ACYP2: variants seen among roughly 807,000 people sequenced by gnomAD.
The protein encoded by ACYP2 is acylphosphatase-2.
A neutral mutation model predicts 11.2 loss-of-function variants in ACYP2; 12 were observed. The observed-to-expected ratio is 1.08, with a 90% CI of 0.69 to 1.74. The LOEUF is 1.74. Among genes scored for constraint, ACYP2 ranks in the 40% most tolerant of loss-of-function variants. The probability of loss-of-function intolerance (pLI) is 0.00; values close to 1 mark genes in which losing one functional copy is unlikely to be tolerated. For missense variants in ACYP2, 134 were observed against 101.9 expected (o/e 1.31, Z -1.35); for synonymous variants, 43 against 32.2 (o/e 1.33, Z -1.13).
intron 4 of ACYP2, among the ~76,000 whole-genome samples, chr2:54,099,387 C>A (rs1678765770): frequency 6.6e-6 from 1 of 152,146 alleles, no homozygotes; most frequent in Non-Finnish European, 1.5e-5. Context: ...GAACTCATTT[C>A]TTCTGTCTAG....
chr2:54,054,059 G>T (rs1675998544), intron 3 of ACYP2, among the ~76,000 whole-genome samples: 1 of 152,184 alleles, frequency 6.6e-6, no homozygotes, highest in Admixed American at 6.5e-5. Flanking sequence ...CAGGCCCTAG[G>T]CCCAGATCCT....
chr2:54,128,929 T>A (rs1401320404), intron 4 of ACYP2, among the ~76,000 whole-genome samples: 1 of 152,170 alleles, frequency 6.6e-6, no homozygotes, highest in Non-Finnish European at 1.5e-5. Flanking sequence ...AGACTCACAG[T>A]AATCTCTGGA....
chr2:54,162,732 A>G (rs1682775211), intron 6 of ACYP2, among the ~76,000 whole-genome samples: 1 of 152,126 alleles, frequency 6.6e-6, no homozygotes. Flanking sequence ...TTTGGAGGCC[A>G]GAGGGGGAAG....
intron 6 of ACYP2, among the ~76,000 whole-genome samples, chr2:54,173,907 C>A (rs1683326842): frequency 6.6e-6 from 1 of 152,124 alleles, no homozygotes; most frequent in Non-Finnish European, 1.5e-5. Flanking sequence ...GTTTTGGTAC[C>A]AGTACCATGC....
At chr2:54,297,172 G>A (rs933980655) in intron 6 of ACYP2, among the ~76,000 whole-genome samples, 2 of 151,804 alleles carry the variant, frequency 1.3e-5, no homozygotes, top group African/African-American at 4.8e-5. Context: ...AAGGCAAGTA[G>A]TCAAACTGAC....
chr2:54,126,022 A>G (rs556887768), intron 4 of ACYP2, among the ~76,000 whole-genome samples: 153 of 152,330 alleles, frequency 1.0e-3, no homozygotes, highest in African/African-American at 3.6e-3. Context: ...AGGAGGTTGC[A>G]GTGAGCGGAG....
chr2:54,201,786 G>C (rs891388411), intron 6 of ACYP2, among the ~76,000 whole-genome samples: 2 of 149,866 alleles, frequency 1.3e-5, no homozygotes, highest in African/African-American at 4.9e-5. Flanking sequence ...CTCAGTCACC[G>C]CAACCTCCAC....
At chr2:54,072,178 G>A (rs1305375566) in intron 4 of ACYP2, among the ~76,000 whole-genome samples, 1 of 152,114 alleles carries the variant, frequency 6.6e-6, no homozygotes, top group Non-Finnish European at 1.5e-5. Context: ...AATTAAAGAA[G>A]ATCTAAATAA....
At chr2:54,201,658 CTT>C (rs1171395398) in intron 6 of ACYP2, among the ~76,000 whole-genome samples, 8 of 79,162 alleles carry the variant, frequency 1.0e-4, no homozygotes, top group African/African-American at 2.5e-4. Flanking sequence ...TTCTTTCTTT[CTT>C]TCTTTCTTTC....
intron 3 of ACYP2, among the ~76,000 whole-genome samples, chr2:54,053,885 AG>A (rs1337429412): frequency 4.6e-5 from 7 of 152,242 alleles, no homozygotes; most frequent in African/African-American, 7.2e-5. Flanking sequence ...AACTAATTAA[AG>A]TTTACTCTCA....
chr2:54,254,424 G>A (rs768411979), intron 6 of ACYP2: 23 of 154,590 alleles, frequency 1.5e-4, no homozygotes, highest in Non-Finnish European at 3.1e-4. Flanking sequence ...CTCAGGAAAA[G>A]TAATGGGGTC....
intron 6 of ACYP2, among the ~76,000 whole-genome samples, chr2:54,203,505 T>C (rs1049000810): frequency 2.6e-5 from 4 of 152,256 alleles, no homozygotes; most frequent in South Asian, 2.1e-4. Flanking sequence ...AATTGATGAA[T>C]AGAAGTGGCA....
chr2:54,180,086 T>A (rs1408166269), intron 6 of ACYP2, among the ~76,000 whole-genome samples: 2 of 152,086 alleles, frequency 1.3e-5, no homozygotes, highest in Non-Finnish European at 1.5e-5. Flanking sequence ...CTTGGAAACT[T>A]ACATTTACCA....
At chr2:54,183,115 T>A (rs1215967226) in intron 6 of ACYP2, among the ~76,000 whole-genome samples, 2 of 152,236 alleles carry the variant, frequency 1.3e-5, no homozygotes, top group Non-Finnish European at 2.9e-5. Flanking sequence ...GTATGTTCTA[T>A]ATCTCCGCCT....
intron 6 of ACYP2, among the ~76,000 whole-genome samples, chr2:54,212,901 A>G (rs959673938): frequency 2.0e-5 from 3 of 151,140 alleles, no homozygotes; most frequent in African/African-American, 7.3e-5. Context: ...AGAAGCTGCC[A>G]CTTTACTTTT....
chr2:54,163,116 T>C (rs901946086), intron 6 of ACYP2, among the ~76,000 whole-genome samples: 5 of 152,358 alleles, frequency 3.3e-5, no homozygotes, highest in African/African-American at 4.8e-5. Flanking sequence ...GAGCCTGATA[T>C]TCTGCCTCTA....
chr2:54,142,709 G>C (rs1572848838), intron 6 of ACYP2: 1 of 152,020 alleles, frequency 6.6e-6, no homozygotes. Context: ...GGCAATGGGA[G>C]TAGCCTGTCC....
At chr2:54,143,816 A>T (rs1442674619) in intron 6 of ACYP2, among the ~76,000 whole-genome samples, 1 of 145,092 alleles carries the variant, frequency 6.9e-6, no homozygotes, top group Non-Finnish European at 1.5e-5. Context: ...CACAAAACAT[A>T]TTAGGAAGTT....
intron 6 of ACYP2, among the ~76,000 whole-genome samples, chr2:54,279,612 C>T (rs570616441): frequency 4.2e-4 from 58 of 138,810 alleles, no homozygotes; most frequent in African/African-American, 1.5e-3. Context: ...GAGCTGCAGT[C>T]TCTATCTGAA....
Sources: gnomAD v4.1 joint callset for allele counts (sites outside exome capture counted in the v4.1 genomes callset) on GRCh38, gnomAD v4.1.1 for gene constraint, MANE v1.5 for transcripts, NCBI Gene and HGNC (gene_info 2026-07-23, HGNC 2026-07-21) for gene names.